Variants in RBBP8NL observed in about 807,000 individuals in gnomAD.
RBBP8NL encodes RBBP8 N-terminal like.
In RBBP8NL, 59 loss-of-function variants were observed where a neutral mutation model predicts 62.2. The observed-to-expected ratio is 0.95, with a 90% confidence interval of 0.77 to 1.18. RBBP8NL has a LOEUF of 1.18. Among genes scored for constraint, RBBP8NL ranks in the 50% most tolerant of loss-of-function variants. RBBP8NL has a pLI of 0.00. For missense variants in RBBP8NL, 896 were observed against 899.5 expected (o/e 1.00, Z 0.05); for synonymous variants, 412 against 394.1 (o/e 1.05, Z -0.54).
chr20:62,412,583 C>G (rs747583252), intron 13 of RBBP8NL, 41 bp downstream of exon 13: 17 of 1,591,662 alleles, frequency 1.1e-5, no homozygotes, highest in Non-Finnish European at 1.4e-5. Flanking sequence ...GCTGTGGCTC[C>G]CCTCGCCCCC....
intron 1 of RBBP8NL, among the ~76,000 whole-genome samples, chr20:62,425,636 T>A (rs1988787319): frequency 6.6e-6 from 1 of 152,224 alleles, no homozygotes; most frequent in Non-Finnish European, 1.5e-5. Context: ...ATCCGGGGCA[T>A]CACTGGGCTC....
At chr20:62,426,820 A>G (rs1441609175) in intron 1 of RBBP8NL, among the ~76,000 whole-genome samples, 1 of 152,188 alleles carries the variant, frequency 6.6e-6, no homozygotes, top group Admixed American at 6.5e-5. Flanking sequence ...TGTACACATA[A>G]ACAGAGGAGC....
Position 62,414,361 on chromosome 20 carries a change from C to A in RBBP8NL, c.990G>T (p.Trp330Cys). Residue 330 changes from tryptophan (W) to cysteine (C), a missense_variant, in exon 10 of 14, where the codon TGG becomes TGT. By Grantham distance (215) the Trp-to-Cys change is radical. Transcript: ENST00000252998. ...GCCCCAGCAGTTCTGTGGGCTCCTCCCAGGCCTCTGCTTCTCTGGCCTTCA... is the reference window on the plus strand; with the variant it reads ...GCCCCAGCAGTTCTGTGGGCTCCTCACAGGCCTCTGCTTCTCTGGCCTTCA... ...QDLKAREAEA[W>C]EEPTELLGLP... 6.4e-7 allele frequency: 1 copy of A among 1,550,910 alleles called. No individual in the cohort carries two copies. The highest frequency in any genetic ancestry group is 2.4e-5 in the East Asian group (1 of 41,570).
Position 62,413,289 on chromosome 20 carries a change from G to A in RBBP8NL, c.1675+112C>T. ...CTGGGGTTGCCCCGTCAGATCGGCA[G>A]GGCAGAGCTGGGCCTGGAGACACCC... On this transcript the variant is annotated intron_variant, in intron 11 of 13. Transcript: ENST00000252998. 3 of 1,287,756 alleles carry A rather than the reference G, an allele frequency of 2.3e-6. No individual in the cohort carries two copies. The East Asian group carries it at 8.3e-5, about 36-fold the overall frequency. The allele number at this position is 1,287,756 out of a possible 1,614,324, so 79.8% of individuals were successfully genotyped here.
In RBBP8NL at chr20:62,416,818, C is replaced by A. The variant is rs1393585126; in HGVS notation, c.255G>T (p.Lys85Asn). Residue 85 changes from lysine (K) to asparagine (N), a missense_variant, in exon 5 of 14, where the codon AAG (lysine) becomes AAT (asparagine). By Grantham distance (94) the Lys-to-Asn change is moderately conservative. Transcript: ENST00000252998. ...RCMVTQELAR[K>N]RQQEFESSHL... ...GGGAGCTCTCGAACTCCTGCTGCCG[C>A]TTCCTGGCCAGCTCCTGGGTGACCA... is the stretch of plus-strand genomic sequence containing the variant. 1 of 1,588,200 alleles carries A rather than the reference C, an allele frequency of 6.3e-7. No individual in the cohort carries two copies. Among genetic ancestry groups the A allele is most frequent in the South Asian group, 1.1e-5 (1 of 87,396 alleles).
At chr20:62,422,687 G>GCCAC (rs1988733805) in intron 1 of RBBP8NL, among the ~76,000 whole-genome samples, 1 of 151,756 alleles carries the variant, frequency 6.6e-6, no homozygotes, top group African/African-American at 2.4e-5. Flanking sequence ...GGTGGGGATG[G>GCCAC]TGACTGGAGC....
intron 13 of RBBP8NL, 95 bp from the exon 14 acceptor site, chr20:62,411,091 A>C: frequency 2.5e-6 from 2 of 789,670 alleles, no homozygotes; most frequent in Non-Finnish European, 4.3e-6. Context: ...TCCTCTGGGC[A>C]CGGGGAGCTG....
intron 1 of RBBP8NL, among the ~76,000 whole-genome samples, chr20:62,422,293 C>T (rs940508167): frequency 9.9e-5 from 15 of 151,998 alleles, no homozygotes; most frequent in African/African-American, 3.4e-4. Context: ...AGAACCGTCC[C>T]GAACAGGACC....
chr20:62,416,280 GAC>G, intron 5 of RBBP8NL, 44 bp from the exon 6 acceptor site: 19 of 602,774 alleles, frequency 3.2e-5, no homozygotes, highest in Admixed American at 7.2e-5. Context: ...GGTTGGGGGG[GAC>G]AGGGGCAGGG....
chr20:62,419,665 G>A lies in RBBP8NL; in HGVS notation c.-18C>T. On this transcript the variant is annotated 5_prime_UTR_variant, in exon 2 of 14. Transcript: ENST00000252998. ...CTCTCCATGGCTCCCTGTGGCCCTG[G>A]CCCGGGCCCCTCTGCGCTGGGGTTG... 6.2e-7 allele frequency: 1 copy of A among 1,612,396 alleles called. No individual in the cohort carries two copies. Among genetic ancestry groups the A allele is most frequent in the African/African-American group, 1.3e-5 (1 of 75,054 alleles).
chr20:62,426,453 C>T (rs1410558775), intron 1 of RBBP8NL, among the ~76,000 whole-genome samples: 7 of 152,242 alleles, frequency 4.6e-5, no homozygotes, highest in Admixed American at 2.6e-4. Flanking sequence ...TGCATGTGGC[C>T]GGGGCCCACC....
chr20:62,419,858 A>G, intron 1 of RBBP8NL, 128 bp from the exon 2 acceptor site: 2 of 567,412 alleles, frequency 3.5e-6, no homozygotes, highest in Non-Finnish European at 6.2e-6. Context: ...GGGGCTACTC[A>G]TGGGAGGTGG....
rs770503692 is a variant in RBBP8NL at position 62,415,129 on chromosome 20, G to T, written c.786C>A (p.Ser262=). The change falls in exon 9 of 14, where the codon TCC becomes TCA. Residue 262 remains serine (S), a synonymous_variant. Transcript: ENST00000252998. ...PPSPAYERGL[S]LDSFLRASRP... ...GTGGGGCAGGCGGGCACCTGTCCAG[G>T]GAGAGGCCACGCTCATACGCTGGGC... is the stretch of plus-strand genomic sequence containing the variant. The T allele has an allele frequency of 2.0e-6, 3 of 1,480,184 alleles. No homozygotes were observed. The Admixed American group carries it at 7.2e-5, about 36-fold the overall frequency. The allele number at this position is 1,480,184 out of a possible 1,614,324, so 91.7% of individuals were successfully genotyped here. A position where few individuals can be genotyped will look rare whatever the true frequency, so the allele number is the denominator to read the frequency against.
At chr20:62,425,452 G>A (rs1257300249) in intron 1 of RBBP8NL, among the ~76,000 whole-genome samples, 1 of 152,210 alleles carries the variant, frequency 6.6e-6, no homozygotes, top group Non-Finnish European at 1.5e-5. Context: ...GCTACACCCA[G>A]GGGAGATGCC....
In RBBP8NL at chr20:62,413,482, C is replaced by T. The variant is rs768827229; in HGVS notation, c.1594G>A (p.Glu532Lys). ...GGTGGCAGAGGCCTCCCTGTGTCTT[C>T]ATCTTCTGTACTGCCTGGAGAGGAC... ...SLSSPGSTED[E>K]DTGRPLPPPH... Residue 532 changes from glutamate (E) to lysine (K), a missense_variant, in exon 11 of 14, where the codon GAA becomes AAA. By Grantham distance (56) the Glu-to-Lys change is moderately conservative. Coordinates refer to ENST00000252998, the MANE Select transcript of RBBP8NL (RefSeq NM_080833.3). 2.0e-6 allele frequency: 3 copies of T among 1,491,578 alleles called. No homozygotes were observed. The highest frequency in any genetic ancestry group is 2.6e-5 in the Admixed American group (1 of 38,626). 92.4% of individuals were successfully genotyped at this position (1,491,578 alleles called of 1,614,324 possible).
At chr20:62,413,691 T>G in intron 10 of RBBP8NL, 130 bp downstream of exon 10, 1 of 1,416,488 alleles carries the variant, frequency 7.1e-7, no homozygotes, top group South Asian at 1.5e-5. Context: ...TGAGGCAGCC[T>G]CGCTTTCTCC....
Position 62,415,165 on chromosome 20 carries a change from G to A in RBBP8NL, c.750C>T (p.Ser250=). The change falls in exon 9 of 14, where the codon AGC becomes AGT. Residue 250 remains serine (S), a synonymous_variant. Coordinates refer to ENST00000252998, the MANE Select transcript of RBBP8NL (RefSeq NM_080833.3). ...GCTCATACGCTGGGCTGGGTGGGCTGCTCCTGGCGGGCAGTGGTGGGGGCG... is the reference window on the plus strand; with the variant it reads ...GCTCATACGCTGGGCTGGGTGGGCTACTCCTGGCGGGCAGTGGTGGGGGCG... The part of the protein sequence containing the change: ...NGTPPPLPAR[S]SPPSPAYERG... 1.3e-6 allele frequency: 2 copies of A among 1,517,150 alleles called. No homozygotes were observed. Among genetic ancestry groups the A allele is most frequent in the African/African-American group, 1.4e-5 (1 of 72,672 alleles). 94.0% of individuals were successfully genotyped at this position (1,517,150 alleles called of 1,614,324 possible). A position where few individuals can be genotyped will look rare whatever the true frequency, so the allele number is the denominator to read the frequency against.
chr20:62,425,366 G>A (rs768788330), intron 1 of RBBP8NL, among the ~76,000 whole-genome samples: 6 of 152,198 alleles, frequency 3.9e-5, no homozygotes, highest in African/African-American at 9.6e-5. Flanking sequence ...GCAGAGGTCC[G>A]GCTTCTGACG....
At position 62,416,140 on chromosome 20, in the gene RBBP8NL, G is replaced by A. The variant is rs373607449; in HGVS notation, c.386+24C>T. On this transcript the variant is annotated intron_variant, in intron 6 of 13. Transcript: ENST00000252998. ...GGGTGCTGGGGAGTTGGGTGTCTGA[G>A]CCCTGGGACCCTTTCCCACTCACCC... 7.5e-6 allele frequency: 12 copies of A among 1,601,998 alleles called. No individual in the cohort carries two copies. In the African/African-American group the frequency reaches 9.4e-5, roughly 13 times the overall value.
Sources: allele counts gnomAD v4.1 joint callset (sites outside exome capture counted in the v4.1 genomes callset), GRCh38; gene constraint gnomAD v4.1.1; transcripts MANE v1.5; gene names NCBI Gene and HGNC (gene_info 2026-07-23, HGNC 2026-07-21).